Variants in OVCH2 observed in about 807,000 individuals in gnomAD.
OVCH2 encodes ovochymase-2.
OVCH2 carries 88 observed loss-of-function variants against 73.7 expected under a neutral mutation model. That is an observed-to-expected ratio of 1.19 (90% CI 1.01 to 1.43). The LOEUF is 1.43. OVCH2 is among the 40% of genes most tolerant of loss of function. OVCH2 has a pLI of 0.00. For missense variants in OVCH2, 706 were observed against 674.5 expected (o/e 1.05, Z -0.52); for synonymous variants, 265 against 234.5 (o/e 1.13, Z -1.19).
the OVCH2 span, among the ~76,000 whole-genome samples, chr11:7,679,084 C>T: frequency 3.9e-5 from 6 of 152,180 alleles, no homozygotes; most frequent in Non-Finnish European, 8.8e-5. Context: ...TAGGTCCTAG[C>T]TGTTAAGCCT....
chr11:7,680,461 T>C, the OVCH2 span, among the ~76,000 whole-genome samples: 4 of 152,180 alleles, frequency 2.6e-5, no homozygotes, highest in Non-Finnish European at 5.9e-5. Flanking sequence ...TCTCCTCAAT[T>C]ATCCGGGTGG....
At chr11:7,682,523 C>T in the OVCH2 span, among the ~76,000 whole-genome samples, 5,794 of 152,234 alleles carry the variant, frequency 0.038, 153 homozygotes, top group African/African-American at 0.077. Context: ...TGATTAAGAG[C>T]CAGTGGAAGA....
At chr11:7,686,945 G>A (rs1259861037), downstream of OVCH2, among the ~76,000 whole-genome samples, 14 of 152,264 alleles carry the variant, frequency 9.2e-5, no homozygotes, top group South Asian at 2.7e-3. Flanking sequence ...AGCTCACCCA[G>A]CAGGAATCGT....
At chr11:7,687,589 G>A (rs1381364839), downstream of OVCH2, among the ~76,000 whole-genome samples, 1 of 151,982 alleles carries the variant, frequency 6.6e-6, no homozygotes, top group Non-Finnish European at 1.5e-5. Flanking sequence ...ATCAGACTGT[G>A]GAATTCTGAC....
At chr11:7,684,542 G>C (rs1856122732), downstream of OVCH2, among the ~76,000 whole-genome samples, 1 of 138,304 alleles carries the variant, frequency 7.2e-6, no homozygotes, top group Non-Finnish European at 1.6e-5. Flanking sequence ...GTGTGTGTGT[G>C]TATTACGGTT....
At chr11:7,694,581 A>G (rs1239170386) in intron 12 of OVCH2, among the ~76,000 whole-genome samples, 1 of 150,974 alleles carries the variant, frequency 6.6e-6, no homozygotes, top group Admixed American at 6.6e-5. Flanking sequence ...TGTTTCTGGA[A>G]TGGACTAAAA....
chr11:7,690,021 T>G lies in OVCH2; in HGVS notation c.1640-8A>C, dbSNP rs1856192148. 1.3e-6 allele frequency: 2 copies of G among 1,485,544 alleles called. No individual in the cohort carries two copies. Among genetic ancestry groups the G allele is most frequent in the Admixed American group, 2.0e-5 (1 of 50,760 alleles). 92.0% of individuals were successfully genotyped at this position (1,485,544 alleles called of 1,614,324 possible). A position where few individuals can be genotyped will look rare whatever the true frequency, so the allele number is the denominator to read the frequency against. ...TGTTTAAATCTGGGTATACTGGGTA[T>G]AAGTATGATACAATTACTCAGTTTC... On this transcript the variant is annotated splice_region_variant and splice_polypyrimidine_tract_variant and intron_variant, in intron 14 of 15. Coordinates refer to ENST00000533663, the MANE Select transcript of OVCH2 (RefSeq NM_198185.7).
intron 7 of OVCH2, chr11:7,699,343 T>C (rs1008137728): frequency 6.6e-6 from 1 of 152,346 alleles, no homozygotes; most frequent in African/African-American, 2.4e-5. Context: ...TCAATATCTG[T>C]GGGGGATTGG....
chr11:7,702,120 TG>T, intron 4 of OVCH2, 36 bp downstream of exon 4: 1 of 1,529,510 alleles, frequency 6.5e-7, no homozygotes, highest in Non-Finnish European at 9.0e-7. Flanking sequence ...ATAGAGAACA[TG>T]GGGTAGACAA....
intron 15 of OVCH2, 55 bp from the exon 16 acceptor site, chr11:7,689,657 C>T (rs1310187350): frequency 1.8e-6 from 1 of 543,146 alleles, no homozygotes; most frequent in South Asian, 1.5e-5. Flanking sequence ...GATATTCTCC[C>T]TGTGTGTGTA....
intron 5 of OVCH2, 80 bp downstream of exon 5, chr11:7,701,636 T>A (rs1266763213): frequency 6.7e-7 from 1 of 1,495,856 alleles, no homozygotes; most frequent in African/African-American, 1.4e-5. Context: ...TTTTTAAAAA[T>A]GGATTAAAAA....
intron 12 of OVCH2, among the ~76,000 whole-genome samples, chr11:7,692,664 A>G (rs1856244135): frequency 6.6e-6 from 1 of 152,230 alleles, no homozygotes; most frequent in Non-Finnish European, 1.5e-5. Context: ...TGTGCATGAA[A>G]AAGGAAATCC....
At chr11:7,685,711 A>T (rs1856135329), downstream of OVCH2, among the ~76,000 whole-genome samples, 1 of 143,066 alleles carries the variant, frequency 7.0e-6, no homozygotes, top group Admixed American at 6.9e-5. Flanking sequence ...TTATTGCAGG[A>T]TATCTTTATC....
intron 12 of OVCH2, 99 bp from the exon 13 acceptor site, chr11:7,692,094 TAAGACCTTAGATAAGA>T: frequency 1.2e-6 from 1 of 821,884 alleles, no homozygotes; most frequent in Non-Finnish European, 2.0e-6. Context: ...TGTTCTGGAG[TAAGACCTTAGATAAGA>T]AAGTTAATGG....
chr11:7,699,440 G>A (rs1856394179), intron 7 of OVCH2: 1 of 152,304 alleles, frequency 6.6e-6, no homozygotes. Context: ...ACCTAGGCAT[G>A]TCTTCCCCTA....
chr11:7,700,808 GGAA>G (rs1460977613), intron 6 of OVCH2, among the ~76,000 whole-genome samples: 16 of 152,292 alleles, frequency 1.1e-4, no homozygotes, highest in African/African-American at 3.6e-4. Context: ...TTGGTTAGTA[GGAA>G]GAATGGAGGA....
downstream of OVCH2, among the ~76,000 whole-genome samples, chr11:7,688,901 C>T (rs1856171529): frequency 6.6e-6 from 1 of 152,140 alleles, no homozygotes; most frequent in Admixed American, 6.5e-5. Flanking sequence ...GTGAATGAGA[C>T]CACAATTTGG....
intron 15 of OVCH2, 143 bp downstream of exon 15, chr11:7,689,781 A>G (rs1856184355): frequency 1.4e-6 from 1 of 699,002 alleles, no homozygotes; most frequent in Non-Finnish European, 2.6e-6. Flanking sequence ...CCTATCTCTA[A>G]ATAAGGTCAC....
chr11:7,702,096 A>C, intron 4 of OVCH2, 61 bp downstream of exon 4: 1 of 1,423,554 alleles, frequency 7.0e-7, no homozygotes, highest in Non-Finnish European at 9.8e-7. Flanking sequence ...GAAATGTGCT[A>C]TGGCACAGAG....
Sources: allele counts gnomAD v4.1 joint callset (sites outside exome capture counted in the v4.1 genomes callset), GRCh38; gene constraint gnomAD v4.1.1; transcripts MANE v1.5; gene names NCBI Gene and HGNC (gene_info 2026-07-23, HGNC 2026-07-21).